DPYD: variants seen among roughly 807,000 people sequenced by gnomAD.
The protein encoded by DPYD is dihydropyrimidine dehydrogenase [NADP(+)].
In DPYD, 109 loss-of-function variants were observed where a neutral mutation model predicts 116.2. The observed-to-expected ratio is 0.94, with a 90% confidence interval of 0.80 to 1.10. The LOEUF is 1.10. Among genes scored for constraint, DPYD ranks in the 50% least tolerant of loss-of-function variants. The probability of loss-of-function intolerance (pLI) is 0.00; values close to 1 mark genes in which losing one functional copy is unlikely to be tolerated. For missense variants in DPYD, 1,302 were observed against 1,254.5 expected (o/e 1.04, Z -0.57); for synonymous variants, 440 against 432.0 (o/e 1.02, Z -0.23).
At chr1:97,681,450 G>T (rs1430108467) in intron 7 of DPYD, among the ~76,000 whole-genome samples, 1 of 152,090 alleles carries the variant, frequency 6.6e-6, no homozygotes, top group African/African-American at 2.4e-5. Flanking sequence ...TAGTAATTCT[G>T]TTTTTATATT....
chr1:97,152,076 T>G (rs544457869), intron 20 of DPYD, among the ~76,000 whole-genome samples: 9 of 152,316 alleles, frequency 5.9e-5, no homozygotes, highest in South Asian at 2.1e-4. Flanking sequence ...TTAATCAACA[T>G]GGCTTGAAGT....
intron 8 of DPYD, among the ~76,000 whole-genome samples, chr1:97,674,228 G>A (rs1660022774): frequency 6.6e-6 from 1 of 152,114 alleles, no homozygotes; most frequent in South Asian, 2.1e-4. Context: ...CTTTTGGGTG[G>A]ACACAAGTAA....
At chr1:97,305,563 T>C (rs963204818) in intron 17 of DPYD, among the ~76,000 whole-genome samples, 185 bp from the exon 18 acceptor site, 2 of 152,046 alleles carry the variant, frequency 1.3e-5, no homozygotes, top group Non-Finnish European at 2.9e-5. Context: ...AAAGAAGTTT[T>C]AATTACCACA....
intron 4 of DPYD, 25 bp downstream of exon 4, chr1:97,740,367 T>A: frequency 1.9e-6 from 3 of 1,563,906 alleles, no homozygotes; most frequent in Non-Finnish European, 2.6e-6. Flanking sequence ...GTTATTTTCA[T>A]TTGCAGAGTT....
intron 3 of DPYD, among the ~76,000 whole-genome samples, chr1:97,793,199 G>C (rs533757623): frequency 6.6e-6 from 1 of 152,228 alleles, no homozygotes; most frequent in South Asian, 2.1e-4. Context: ...CTACCATGCT[G>C]AGAAAAAAAT....
chr1:97,213,030 G>C, intron 19 of DPYD, among the ~76,000 whole-genome samples: 1 of 152,116 alleles, frequency 6.6e-6, no homozygotes, highest in East Asian at 1.9e-4. Context: ...TTGCTTCCAG[G>C]TTAATAGATG....
chr1:97,082,773 C>T (rs769855225), intron 21 of DPYD, among the ~76,000 whole-genome samples: 1 of 151,922 alleles, frequency 6.6e-6, no homozygotes, highest in Admixed American at 6.6e-5. Flanking sequence ...TAAATGACAC[C>T]CGTGTGAGTT....
At chr1:97,316,649 T>C (rs1239380377) in intron 16 of DPYD, among the ~76,000 whole-genome samples, 1 of 151,894 alleles carries the variant, frequency 6.6e-6, no homozygotes. Flanking sequence ...CATTCTAATG[T>C]CTGCCTTAGC....
intron 19 of DPYD, among the ~76,000 whole-genome samples, chr1:97,206,506 T>C (rs568372268): frequency 7.9e-5 from 12 of 151,238 alleles, no homozygotes; most frequent in African/African-American, 2.9e-4. Flanking sequence ...AGCTACTAAA[T>C]GGCAGAACAA....
At chr1:97,397,067 G>A (rs1673049590) in intron 14 of DPYD, among the ~76,000 whole-genome samples, 1 of 151,982 alleles carries the variant, frequency 6.6e-6, no homozygotes, top group Non-Finnish European at 1.5e-5. Context: ...TTTGGTGCAG[G>A]ATTGCCTAGC....
intron 18 of DPYD, among the ~76,000 whole-genome samples, chr1:97,272,205 C>A (rs1461520924): frequency 6.6e-6 from 1 of 152,046 alleles, no homozygotes; most frequent in Non-Finnish European, 1.5e-5. Flanking sequence ...TTTCTGGCCT[C>A]ATGAATAAAA....
chr1:97,303,666 G>A (rs1168084726), intron 18 of DPYD, among the ~76,000 whole-genome samples: 6 of 151,934 alleles, frequency 3.9e-5, no homozygotes, highest in Non-Finnish European at 7.4e-5. Flanking sequence ...CTGTCAATGT[G>A]GAGAAAGGCT....
chr1:97,385,704 A>G (rs928512938), intron 14 of DPYD, among the ~76,000 whole-genome samples: 3 of 152,010 alleles, frequency 2.0e-5, no homozygotes, highest in African/African-American at 7.2e-5. Flanking sequence ...TCCACAGAGG[A>G]CAAGAAAAAC....
At chr1:97,113,789 G>C (rs2101628941) in intron 20 of DPYD, among the ~76,000 whole-genome samples, 1 of 152,064 alleles carries the variant, frequency 6.6e-6, no homozygotes, top group Non-Finnish European at 1.5e-5. Context: ...AAAATATAAG[G>C]AAAATATGTT....
At chr1:97,370,090 CATG>C (rs1376450959) in intron 16 of DPYD, among the ~76,000 whole-genome samples, 7 of 152,106 alleles carry the variant, frequency 4.6e-5, no homozygotes, top group African/African-American at 1.7e-4. Context: ...CATACGTGTG[CATG>C]TGTCTTTATA....
intron 7 of DPYD, among the ~76,000 whole-genome samples, chr1:97,688,500 CTA>C (rs1406966504): frequency 1.1e-4 from 16 of 151,834 alleles, no homozygotes; most frequent in South Asian, 2.1e-4. Flanking sequence ...GGTCATAGTT[CTA>C]TTTCATAAGA....
At chr1:97,327,436 G>C (rs982969136) in intron 16 of DPYD, among the ~76,000 whole-genome samples, 1 of 151,554 alleles carries the variant, frequency 6.6e-6, no homozygotes, top group Non-Finnish European at 1.5e-5. Context: ...TTATTTTCCT[G>C]ATTATAAAAA....
At chr1:97,847,828 A>AT (rs1462272288) in intron 2 of DPYD, among the ~76,000 whole-genome samples, 1 of 152,188 alleles carries the variant, frequency 6.6e-6, no homozygotes, top group East Asian at 1.9e-4. Flanking sequence ...AAACTTTTCT[A>AT]TTAAAGGAAA....
intron 21 of DPYD, among the ~76,000 whole-genome samples, chr1:97,090,721 A>C (rs1228398860): frequency 6.6e-6 from 1 of 152,172 alleles, no homozygotes; most frequent in African/African-American, 2.4e-5. Context: ...ATAAGGATAG[A>C]CGTCTTTCTT....
Sources: allele counts gnomAD v4.1 joint callset (sites outside exome capture counted in the v4.1 genomes callset), GRCh38; gene constraint gnomAD v4.1.1; transcripts MANE v1.5; gene names NCBI Gene and HGNC (gene_info 2026-07-23, HGNC 2026-07-21).